Variants in DPP10 observed in about 807,000 individuals in gnomAD.
The protein encoded by DPP10 is inactive dipeptidyl peptidase 10.
A neutral mutation model predicts 120.9 loss-of-function variants in DPP10; 33 were observed. That is an observed-to-expected ratio of 0.27 (90% CI 0.21 to 0.37). DPP10 has a LOEUF of 0.37. Among genes scored for constraint, DPP10 ranks in the 10% least tolerant of loss-of-function variants. The probability of loss-of-function intolerance (pLI) is 1.00; values close to 1 mark genes in which losing one functional copy is unlikely to be tolerated. For synonymous variants in DPP10, 337 were observed against 326.1 expected, an observed-to-expected ratio of 1.03 and a Z score of -0.36; for missense variants, 816 against 942.8, an observed-to-expected ratio of 0.87 and a Z score of 1.76.
In DPP10 at chr2:115,213,375, A is replaced by G. The variant is rs111507879; in HGVS notation, c.61-95864A>G. On this transcript the variant is annotated intron_variant, in intron 1 of 25. Coordinates refer to ENST00000410059, the MANE Select transcript of DPP10 (RefSeq NM_020868.6). ...CTCTTGCTTGTAAGAAATTCCCCAT[A>G]TTTTTGCCCCATGTCACCCATCCAT... 5.1e-3 allele frequency among the ~76,000 whole-genome samples: 769 copies of G among 152,092 alleles called. 5 individuals carry two copies. Among genetic ancestry groups the G allele is most frequent in the African/African-American group, 0.017 (704 of 41,516 alleles).
intron 13 of DPP10, among the ~76,000 whole-genome samples, chr2:115,774,736 T>C (rs141619149): frequency 2.0e-4 from 30 of 152,270 alleles, no homozygotes; most frequent in African/African-American, 6.3e-4. Flanking sequence ...TAGGGAGATA[T>C]TGAAATGCAA....
chr2:114,537,640 T>C (rs1256016557), intron 1 of DPP10, among the ~76,000 whole-genome samples: 1 of 152,202 alleles, frequency 6.6e-6, no homozygotes, highest in Non-Finnish European at 1.5e-5. Context: ...AGTATGCTTT[T>C]CAAAGGACAT....
chr2:115,078,947 T>G (rs181744664), intron 1 of DPP10, among the ~76,000 whole-genome samples: 56 of 152,322 alleles, frequency 3.7e-4, no homozygotes, highest in Admixed American at 3.5e-3. Context: ...ATGGGCAATT[T>G]TTTGATTTAG....
chr2:115,437,838 A>G (rs1199040715), intron 3 of DPP10, among the ~76,000 whole-genome samples: 10 of 152,116 alleles, frequency 6.6e-5, no homozygotes, highest in Admixed American at 5.2e-4. Context: ...AGCAAAAATG[A>G]TACAACGTTT....
At chr2:114,508,369 C>T (rs62173076) in intron 1 of DPP10, among the ~76,000 whole-genome samples, 2 of 152,034 alleles carry the variant, frequency 1.3e-5, no homozygotes, top group African/African-American at 2.4e-5. Context: ...TTTTTACATT[C>T]GATTTCTTTC....
intron 5 of DPP10, among the ~76,000 whole-genome samples, chr2:115,643,457 C>T (rs758319589): frequency 2.1e-4 from 32 of 152,134 alleles, no homozygotes; most frequent in Middle Eastern, 3.4e-3. Context: ...GTATAGACTG[C>T]GAAATCCATA....
At chr2:115,291,025 G>T (rs781660138) in intron 1 of DPP10, among the ~76,000 whole-genome samples, 1 of 151,970 alleles carries the variant, frequency 6.6e-6, no homozygotes, top group Non-Finnish European at 1.5e-5. Flanking sequence ...TTTTTCTGAG[G>T]CAGGGTCTCG....
At chr2:114,949,496 A>G (rs1447045672) in intron 1 of DPP10, among the ~76,000 whole-genome samples, 1 of 152,196 alleles carries the variant, frequency 6.6e-6, no homozygotes, top group Non-Finnish European at 1.5e-5. Context: ...AGTGTTTTTC[A>G]GAAGTACTTG....
chr2:115,448,053 C>T (rs758766979), intron 3 of DPP10, among the ~76,000 whole-genome samples: 52 of 152,176 alleles, frequency 3.4e-4, no homozygotes, highest in African/African-American at 1.1e-3. Context: ...TGTTTAAGTT[C>T]GACAGAAGGA....
intron 1 of DPP10, among the ~76,000 whole-genome samples, chr2:114,806,833 G>A (rs1192434198): frequency 6.6e-6 from 1 of 151,768 alleles, no homozygotes; most frequent in Middle Eastern, 3.4e-3. Flanking sequence ...CATTTTTTTT[G>A]TTGTTTATTG....
At chr2:115,788,335 T>C (rs1683568120) in intron 17 of DPP10, among the ~76,000 whole-genome samples, 1 of 152,082 alleles carries the variant, frequency 6.6e-6, no homozygotes, top group Non-Finnish European at 1.5e-5. Context: ...ATCTCCTCTT[T>C]CACCTTAAGG....
At chr2:115,819,583 T>C (rs1396274792) in intron 21 of DPP10, among the ~76,000 whole-genome samples, 1 of 152,238 alleles carries the variant, frequency 6.6e-6, no homozygotes, top group African/African-American at 2.4e-5. Context: ...TCTTTGATTT[T>C]ACTTTGCTAG....
chr2:114,737,234 A>G (rs886468006), intron 1 of DPP10, among the ~76,000 whole-genome samples: 5 of 152,200 alleles, frequency 3.3e-5, no homozygotes, highest in Admixed American at 6.5e-5. Context: ...CACATCTCCA[A>G]AAAGCAGAAT....
At chr2:115,287,454 T>C (rs1327411793) in intron 1 of DPP10, among the ~76,000 whole-genome samples, 12 of 152,060 alleles carry the variant, frequency 7.9e-5, no homozygotes, top group African/African-American at 2.9e-4. Context: ...CCTGAACTTC[T>C]TTCCTCTGAG....
intron 3 of DPP10, among the ~76,000 whole-genome samples, chr2:115,414,664 G>A (rs2069229308): frequency 6.6e-6 from 1 of 152,132 alleles, no homozygotes; most frequent in Non-Finnish European, 1.5e-5. Flanking sequence ...AGTAATATCT[G>A]AAGTTGTACT....
intron 1 of DPP10, among the ~76,000 whole-genome samples, chr2:115,083,089 C>A (rs1211315198): frequency 6.6e-6 from 1 of 152,158 alleles, no homozygotes; most frequent in East Asian, 1.9e-4. Flanking sequence ...GATCTTTGTG[C>A]TTCTGCTGGA....
chr2:115,168,510 G>A (rs367997959), intron 1 of DPP10, among the ~76,000 whole-genome samples: 5 of 152,140 alleles, frequency 3.3e-5, no homozygotes, highest in Non-Finnish European at 7.4e-5. Context: ...GTTTAGTATT[G>A]ATTATTCCCA....
intron 1 of DPP10, among the ~76,000 whole-genome samples, chr2:115,133,141 G>GTATATATATATA (rs752180086): frequency 2.8e-5 from 1 of 35,392 alleles, no homozygotes; most frequent in African/African-American, 1.0e-4. Flanking sequence ...GTGTGTGTGT[G>GTATATATATATA]TGTGTATATA....
intron 1 of DPP10, among the ~76,000 whole-genome samples, chr2:114,731,236 T>C (rs1676883586): frequency 1.3e-5 from 2 of 152,100 alleles, no homozygotes; most frequent in African/African-American, 2.4e-5. Context: ...TTTTTTTTTT[T>C]TGAAGTATGT....
Sources: allele counts gnomAD v4.1 joint callset (sites outside exome capture counted in the v4.1 genomes callset), GRCh38; gene constraint gnomAD v4.1.1; transcripts MANE v1.5; gene names NCBI Gene and HGNC (gene_info 2026-07-23, HGNC 2026-07-21).